The following DPYSL2 variants were observed in gnomAD, a reference collection of about 807,000 sequenced individuals.
DPYSL2 encodes the protein dihydropyrimidinase like 2, also known as dihydropyrimidinase-related protein 2.
A neutral mutation model predicts 69.9 loss-of-function variants in DPYSL2; 13 were observed. That is an observed-to-expected ratio of 0.19 (90% CI 0.12 to 0.30). The LOEUF (loss-of-function observed/expected upper bound fraction) is 0.30, where lower values mean the gene tolerates loss of function less well. Among genes scored for constraint, DPYSL2 ranks in the 10% least tolerant of loss-of-function variants. The pLI, the probability that DPYSL2 is intolerant of heterozygous loss-of-function variation, is 1.00. For missense variants in DPYSL2, 587 were observed against 918.9 expected (o/e 0.64, Z 4.67); for synonymous variants, 326 against 359.1 (o/e 0.91, Z 1.04).
chr8:26,560,243 G>A lies in DPYSL2; in HGVS notation c.355-21726G>A, dbSNP rs1383474696. On this transcript the variant is annotated intron_variant, in intron 1 of 13. Coordinates refer to ENST00000521913, the MANE Select transcript of DPYSL2 (RefSeq NM_001197293.3). This position sits in a 1 kb window ranked among gnomAD's most constrained non-coding sequence, Gnocchi z 4.4. ...GCATGTTTAGAACTTTCACAAAACA[G>A]GGTATATTTCCATTCTCCAGGTCAG... Among the ~76,000 whole-genome samples, 1 of 152,150 alleles carries A rather than the reference G, an allele frequency of 6.6e-6. No individual in the cohort carries two copies. Among genetic ancestry groups the A allele is most frequent in the Admixed American group, 6.5e-5 (1 of 15,272 alleles).
At chr8:26,599,596 C>T (rs1239871760) in intron 3 of DPYSL2, among the ~76,000 whole-genome samples, 1 of 150,428 alleles carries the variant, frequency 6.6e-6, no homozygotes, top group African/African-American at 2.5e-5. Context: ...TCCTCCTTTC[C>T]TTTCTTTCTC....
rs1276830573 is a variant in DPYSL2, at chr8:26,514,849, C to G, written c.354+170C>G. Among the ~76,000 whole-genome samples the G allele has an allele frequency of 6.6e-6, 1 of 152,152 alleles. No homozygotes were observed. Among genetic ancestry groups the G allele is most frequent in the African/African-American group, 2.4e-5 (1 of 41,454 alleles). On this transcript the variant is annotated intron_variant, in intron 1 of 13. Transcript: ENST00000521913. The surrounding 1 kb of genome is among the most constrained non-coding windows in gnomAD (Gnocchi z 8.4). ...CTTCTCCGCGCAGGGTGCGGCGAGG[C>G]TCGGGCTGGGCGGTGGGCGGCCGTG...
At chr8:26,515,851 T>C (rs755859853) in intron 1 of DPYSL2, among the ~76,000 whole-genome samples, 7 of 152,240 alleles carry the variant, frequency 4.6e-5, no homozygotes, top group Non-Finnish European at 1.0e-4. Flanking sequence ...AGGTTAGTTA[T>C]AGAAAGTGCA....
intron 3 of DPYSL2, among the ~76,000 whole-genome samples, chr8:26,611,606 A>G (rs1419067569): frequency 6.6e-6 from 1 of 152,192 alleles, no homozygotes; most frequent in Non-Finnish European, 1.5e-5. Context: ...CTGTCTAATT[A>G]CAGGAAACAG....
At chr8:26,618,877 G>A (rs567732625) in intron 3 of DPYSL2, among the ~76,000 whole-genome samples, 1 of 151,834 alleles carries the variant, frequency 6.6e-6, no homozygotes, top group East Asian at 1.9e-4. Flanking sequence ...AGAATTGCTC[G>A]AACCCAGGAG....
intron 1 of DPYSL2, chr8:26,547,867 G>T: frequency 3.2e-6 from 1 of 308,616 alleles, no homozygotes; most frequent in Non-Finnish European, 6.8e-6. Context: ...GTCCTTCAAT[G>T]TGGCTGATCT....
At position 26,514,794 on chromosome 8, in the gene DPYSL2, A is replaced by T. The variant is rs905525482; in HGVS notation, c.354+115A>T. 1.4e-4 allele frequency: 136 copies of T among 949,212 alleles called. No individual in the cohort carries two copies. The highest frequency in any genetic ancestry group is 1.8e-4 in the Non-Finnish European group (127 of 694,064). The allele number at this position is 949,212 out of a possible 1,614,324, so 58.8% of individuals were successfully genotyped here. The stretch of plus-strand genomic sequence containing the variant: ...CCCCGCCCTGGACCTCGCCTCCCGC[A>T]TCTGCACGCGCACCCCGCCCTACCC... On this transcript the variant is annotated intron_variant, in intron 1 of 13. Coordinates refer to ENST00000521913, the MANE Select transcript of DPYSL2 (RefSeq NM_001197293.3). The surrounding 1 kb of genome is among the most constrained non-coding windows in gnomAD (Gnocchi z 8.4).
At chr8:26,563,639 A>G (rs1375565689) in intron 1 of DPYSL2, among the ~76,000 whole-genome samples, 1 of 152,208 alleles carries the variant, frequency 6.6e-6, no homozygotes, top group Non-Finnish European at 1.5e-5. Flanking sequence ...CTCTGTCTAA[A>G]GTGCCTTTCC....
At chr8:26,519,456 T>G (rs1031541845) in intron 1 of DPYSL2, among the ~76,000 whole-genome samples, 3 of 152,210 alleles carry the variant, frequency 2.0e-5, no homozygotes, top group African/African-American at 7.2e-5. Context: ...GCCATGTGAT[T>G]TATGTAGCAT....
Position 26,587,357 on chromosome 8 carries a change from C to A in DPYSL2, c.628+3374C>A, listed in dbSNP as rs1003790741. Among the ~76,000 whole-genome samples the A allele has an allele frequency of 1.1e-4, 16 of 152,120 alleles. No homozygotes were observed. The highest frequency in any genetic ancestry group is 3.6e-4 in the African/African-American group (15 of 41,424). Reference sequence around the variant, plus strand: ...AATCTCCCTCTTCCTCCCAACTCCCCGCCACCCCGCCCCTGGGCACTCCAC... The same window carrying A: ...AATCTCCCTCTTCCTCCCAACTCCCAGCCACCCCGCCCCTGGGCACTCCAC... On this transcript the variant is annotated intron_variant, in intron 3 of 13. Coordinates refer to ENST00000521913, the MANE Select transcript of DPYSL2 (RefSeq NM_001197293.3). The surrounding 1 kb of genome is among the most constrained non-coding windows in gnomAD (Gnocchi z 4.2).
At chr8:26,595,558 G>T (rs1018086642) in intron 3 of DPYSL2, among the ~76,000 whole-genome samples, 1 of 152,166 alleles carries the variant, frequency 6.6e-6, no homozygotes, top group Admixed American at 6.5e-5. Context: ...TGTCTGCTAG[G>T]GGGGTTGCAT....
rs143422705 is a variant in DPYSL2, at chr8:26,582,736, C to T, written c.443+679C>T. On this transcript the variant is annotated intron_variant, in intron 2 of 13. Coordinates refer to ENST00000521913, the MANE Select transcript of DPYSL2 (RefSeq NM_001197293.3). This position sits in a 1 kb window ranked among gnomAD's most constrained non-coding sequence, Gnocchi z 4.1. ...CTGCCCTTTCTACTGGGGTAGCTCC[C>T]GGGGCTCTGGAGAAATAGCACATCT... Among the ~76,000 whole-genome samples, 9 of 152,234 alleles carry T rather than the reference C, an allele frequency of 5.9e-5. No individual in the cohort carries two copies. The highest frequency in any genetic ancestry group is 6.8e-3 in the Middle Eastern group (2 of 294).
At position 26,583,292 on chromosome 8, in the gene DPYSL2, C is replaced by A. The variant is rs1801527495; in HGVS notation, c.444-507C>A. Among the ~76,000 whole-genome samples, 4 of 150,612 alleles carry A rather than the reference C, an allele frequency of 2.7e-5. 1 individual carries two copies. In the South Asian group the frequency reaches 8.3e-4, roughly 31 times the overall value. ...CATTATCTGAATAACTAAACACACGCTTCCAAAATTTTAAATCATTGCAAT... is the reference window on the plus strand; with the variant it reads ...CATTATCTGAATAACTAAACACACGATTCCAAAATTTTAAATCATTGCAAT... On this transcript the variant is annotated intron_variant, in intron 2 of 13. Coordinates refer to ENST00000521913, the MANE Select transcript of DPYSL2 (RefSeq NM_001197293.3).
chr8:26,543,007 G>GA (rs1352285391), intron 1 of DPYSL2, among the ~76,000 whole-genome samples: 3 of 152,060 alleles, frequency 2.0e-5, no homozygotes, highest in African/African-American at 7.2e-5. Flanking sequence ...CAATCTGTTA[G>GA]AAAAAAGTAT....
intron 1 of DPYSL2, among the ~76,000 whole-genome samples, chr8:26,567,907 C>A (rs1378144005): frequency 6.6e-6 from 1 of 152,154 alleles, no homozygotes; most frequent in African/African-American, 2.4e-5. Flanking sequence ...TTAAAGTGGT[C>A]TTTTTACTAT....
chr8:26,529,354 G>A (rs1376836843), intron 1 of DPYSL2, among the ~76,000 whole-genome samples: 1 of 151,116 alleles, frequency 6.6e-6, no homozygotes, highest in African/African-American at 2.4e-5. Flanking sequence ...TTTAGAGACA[G>A]GATCTCTCTC....
In DPYSL2 at chr8:26,587,801, G is replaced by A. The variant is rs948405902; in HGVS notation, c.628+3818G>A. On this transcript the variant is annotated intron_variant, in intron 3 of 13. Transcript: ENST00000521913. The surrounding 1 kb of genome is among the most constrained non-coding windows in gnomAD (Gnocchi z 4.2). ...CATTGCTGCTTGGGGAAAACCCTAC[G>A]GACTTCCCAGGGCCTTCATGGTCAT... is the stretch of plus-strand genomic sequence containing the variant. 8.5e-5 allele frequency among the ~76,000 whole-genome samples: 13 copies of A among 152,224 alleles called. No homozygotes were observed. The highest frequency in any genetic ancestry group is 3.1e-4 in the African/African-American group (13 of 41,534).
chr8:26,556,201 CTA>C lies in DPYSL2; in HGVS notation c.355-25759_355-25758del, dbSNP rs1424705134. ...GTATATACTATATATATTATATATA[CTA>C]TATATATACTATATATAGTATATAT... On this transcript the variant is annotated intron_variant, in intron 1 of 13. Coordinates refer to ENST00000521913, the MANE Select transcript of DPYSL2 (RefSeq NM_001197293.3). Among the ~76,000 whole-genome samples, 5 of 5,386 alleles carry C rather than the reference CTA, an allele frequency of 9.3e-4. 1 individual carries two copies. The highest frequency in any genetic ancestry group is 4.3e-4 in the African/African-American group (1 of 2,348). The allele number at this position is 5,386 out of a possible 152,430, so 3.5% of individuals were successfully genotyped here.
chr8:26,563,778 G>A (rs374641781), intron 1 of DPYSL2, among the ~76,000 whole-genome samples: 2 of 152,196 alleles, frequency 1.3e-5, no homozygotes, highest in African/African-American at 2.4e-5. Context: ...TGAGGGCAGA[G>A]GTGTTGTAGG....
Sources: allele counts gnomAD v4.1 joint callset (sites outside exome capture counted in the v4.1 genomes callset), GRCh38; gene constraint gnomAD v4.1.1; non-coding constraint Gnocchi (gnomAD v3.1); transcripts MANE v1.5; gene names NCBI Gene and HGNC (gene_info 2026-07-23, HGNC 2026-07-21).